CIP2A: variants seen among roughly 807,000 people sequenced by gnomAD.
The protein encoded by CIP2A is cellular inhibitor of PP2A.
Under a neutral mutation model 110.9 loss-of-function variants are expected in CIP2A, and 103 were observed. The ratio of observed to expected loss-of-function variants is 0.93; its 90% CI spans 0.79 to 1.09. The LOEUF (loss-of-function observed/expected upper bound fraction) is 1.09. Ranked by LOEUF, CIP2A falls within the 50% of genes least tolerant of loss-of-function variation. CIP2A has a pLI of 0.00. For synonymous variants in CIP2A, 381 were observed against 361.6 expected, an observed-to-expected ratio of 1.05 and a Z score of -0.61; for missense variants, 1,088 against 1,038.4, an observed-to-expected ratio of 1.05 and a Z score of -0.66.
Position 108,589,336 on chromosome 3 carries a change from C to T in CIP2A, c.40G>A (p.Val14Ile), listed in dbSNP as rs1414474010. The T allele has an allele frequency of 6.2e-7, 1 of 1,613,990 alleles. No individual in the cohort carries two copies. ...TACLKSLLLT[V>I]SQYKAVKSEA... ...GACTTCACGGCTTTGTACTGACTGA[C>T]AGTCAGGAGCAAGGACTTCAAGCAG... The change falls in exon 1 of 21, where the codon GTC becomes ATC. Residue 14 changes from valine (V) to isoleucine (I), a missense_variant. Physicochemically the swap from Val to Ile is conservative, Grantham distance 29. Transcript: ENST00000295746.
At chr3:108,588,689 CAT>C (rs1939179357) in intron 1 of CIP2A, among the ~76,000 whole-genome samples, 1 of 151,934 alleles carries the variant, frequency 6.6e-6, no homozygotes, top group African/African-American at 2.4e-5. Context: ...CGTCTGGACA[CAT>C]ATCACTAGAA....
rs558617788 is a variant in CIP2A at position 108,578,765 on chromosome 3, AATACACTGAG to A, written c.818+506_818+515del. 1.8e-3 allele frequency among the ~76,000 whole-genome samples: 281 copies of A among 152,322 alleles called. 1 individual carries two copies. Among genetic ancestry groups the A allele is most frequent in the African/African-American group, 6.5e-3 (271 of 41,584 alleles). ...TCTCAAAACATAAATGATCATATGAAATACACTGAGATAGAAAGGACATATGTTCCTATTT... is the reference window on the plus strand; with the variant it reads ...TCTCAAAACATAAATGATCATATGAAATAGAAAGGACATATGTTCCTATTT... On this transcript the variant is annotated intron_variant, in intron 7 of 20. Coordinates refer to ENST00000295746, the MANE Select transcript of CIP2A (RefSeq NM_020890.3).
At chr3:108,564,521 C>A (rs1437168123) in intron 12 of CIP2A, among the ~76,000 whole-genome samples, 3 of 151,936 alleles carry the variant, frequency 2.0e-5, no homozygotes, top group African/African-American at 7.2e-5. Context: ...CAGACCAGAT[C>A]AAACCAGAAA....
rs1443548493 is a variant in CIP2A at position 108,550,495 on chromosome 3, A to C, written c.*654T>G. The C allele has an allele frequency of 6.6e-6, 1 of 151,434 alleles. No individual in the cohort carries two copies. Among genetic ancestry groups the C allele is most frequent in the African/African-American group, 2.4e-5 (1 of 41,438 alleles). The allele number at this position is 151,434 out of a possible 1,614,324, so 9.4% of individuals were successfully genotyped here. A position where few individuals can be genotyped will look rare whatever the true frequency, so the allele number is the denominator to read the frequency against. On this transcript the variant is annotated 3_prime_UTR_variant, in exon 21 of 21. Coordinates refer to ENST00000295746, the MANE Select transcript of CIP2A (RefSeq NM_020890.3). ...TCTACAAGTTCTTAGATTTTTTATG[A>C]GACAGCTATTGTGTTAAATGTAATC...
intron 11 of CIP2A, 69 bp downstream of exon 11, chr3:108,566,428 G>A: frequency 8.2e-7 from 1 of 1,220,866 alleles, no homozygotes; most frequent in Non-Finnish European, 1.2e-6. Flanking sequence ...CCTCCAAAAG[G>A]ATGAGAATCA....
At position 108,568,318 on chromosome 3, in the gene CIP2A, G is replaced by A; in HGVS notation, c.1114-4C>T. On this transcript the variant is annotated splice_region_variant and splice_polypyrimidine_tract_variant and intron_variant, in intron 9 of 20. Transcript: ENST00000295746. The stretch of plus-strand genomic sequence containing the variant: ...AGTTAGCAGCATCTATGACATCCTG[G>A]AGAATTATCCATCACAAATGATTAA... 1 of 1,610,230 alleles carries A rather than the reference G, an allele frequency of 6.2e-7. No individual in the cohort carries two copies. The highest frequency in any genetic ancestry group is 8.5e-7 in the Non-Finnish European group (1 of 1,177,616).
chr3:108,557,427 A>G lies in CIP2A; in HGVS notation c.2014-13T>C, dbSNP rs1324660974. ...CAAGTGTCCGTGCCTCAAAAAAAAAAAGAAGATAGACTTTACCACTATCAT... is the reference window on the plus strand; with the variant it reads ...CAAGTGTCCGTGCCTCAAAAAAAAAGAGAAGATAGACTTTACCACTATCAT... On this transcript the variant is annotated splice_polypyrimidine_tract_variant and intron_variant, in intron 16 of 20. Transcript: ENST00000295746. 4 of 1,565,168 alleles carry G rather than the reference A, an allele frequency of 2.6e-6. No homozygotes were observed. The highest frequency in any genetic ancestry group is 1.4e-5 in the African/African-American group (1 of 72,660).
chr3:108,581,750 GTCAGCGTGGACCATGTGCTGTTTCA>G (rs1220936175), intron 4 of CIP2A, among the ~76,000 whole-genome samples: 1 of 152,084 alleles, frequency 6.6e-6, no homozygotes, highest in African/African-American at 2.4e-5. Context: ...GGAAGTAACT[GTCAGCGTGGACCATGTGCTGTTTCA>G]TCAGTATATT....
At chr3:108,587,506 T>C (rs1365762945) in intron 1 of CIP2A, among the ~76,000 whole-genome samples, 2 of 152,224 alleles carry the variant, frequency 1.3e-5, no homozygotes, top group Non-Finnish European at 2.9e-5. Context: ...TTCTGTATCA[T>C]GATACAGGTG....
At chr3:108,551,402 G>A (rs1330569300) in intron 20 of CIP2A, 83 bp from the exon 21 acceptor site, 2 of 985,504 alleles carry the variant, frequency 2.0e-6, no homozygotes, top group East Asian at 2.8e-5. Flanking sequence ...ATTTTAAGAT[G>A]CTTTTATTTT....
intron 2 of CIP2A, among the ~76,000 whole-genome samples, chr3:108,583,539 A>C: frequency 6.6e-6 from 1 of 152,182 alleles, no homozygotes; most frequent in East Asian, 1.9e-4. Flanking sequence ...GAGCTAAAAA[A>C]GTTGATCTCA....
rs1938191409 is a variant in CIP2A, at chr3:108,566,575, G to A, written c.1337C>T (p.Thr446Ile). The change falls in exon 11 of 21, where the codon ACC (threonine) becomes ATC (isoleucine). Residue 446 changes from threonine (T) to isoleucine (I), a missense_variant. Physicochemically the swap from Thr to Ile is moderately conservative, Grantham distance 89. Transcript: ENST00000295746. Reference sequence around the variant, plus strand: ...TGTAAATTGTTGTTCTATAAGAGTGGTACACTTGACAGTTGTCAAGATTTT... The same window carrying A: ...TGTAAATTGTTGTTCTATAAGAGTGATACACTTGACAGTTGTCAAGATTTT... ...IAKILTTVKC[T>I]TLIEQQFTYG... is the part of the protein sequence containing the mutation. 1 of 1,605,512 alleles carries A rather than the reference G, an allele frequency of 6.2e-7. No individual in the cohort carries two copies. Among genetic ancestry groups the A allele is most frequent in the Non-Finnish European group, 8.5e-7 (1 of 1,175,376 alleles).
rs777839767 is a variant in CIP2A at position 108,551,107 on chromosome 3, C to A, written c.*42G>T. ...CCCCCCCTCCAATAGATAAATACAT[C>A]AAAAATATCATGAGATTACAAATTC... is the stretch of plus-strand genomic sequence containing the variant. On this transcript the variant is annotated 3_prime_UTR_variant, in exon 21 of 21. Transcript: ENST00000295746. The A allele has an allele frequency of 4.2e-5, 19 of 456,596 alleles. No homozygotes were observed. Among genetic ancestry groups the A allele is most frequent in the Non-Finnish European group, 5.5e-5 (15 of 272,758 alleles). 28.3% of individuals were successfully genotyped at this position (456,596 alleles called of 1,614,324 possible). A position where few individuals can be genotyped will look rare whatever the true frequency, so the allele number is the denominator to read the frequency against.
intron 8 of CIP2A, among the ~76,000 whole-genome samples, chr3:108,570,855 A>G (rs1383443957): frequency 6.6e-6 from 1 of 152,182 alleles, no homozygotes; most frequent in Non-Finnish European, 1.5e-5. Context: ...TTTTAACTTT[A>G]TAAACCTATC....
intron 10 of CIP2A, among the ~76,000 whole-genome samples, 158 bp downstream of exon 10, chr3:108,567,997 G>C (rs1938243583): frequency 6.6e-6 from 1 of 151,836 alleles, no homozygotes; most frequent in South Asian, 2.1e-4. Context: ...CACTCATTGA[G>C]AATTTTTTCT....
Position 108,582,187 on chromosome 3 carries a change from G to A in CIP2A, c.373C>T (p.Gln125Ter), listed in dbSNP as rs752057918. ...SVFLQCIQLL[Q>*]KLTYNVKIFY... ...ATTTTGACATTATATGTTAACTTCT[G>A]TAGAAGTTGAATGCACTGAGAATAA... Residue 125 changes from glutamine to a stop codon, truncating the protein, a stop_gained, in exon 4 of 21, where the codon CAG becomes TAG. Coordinates refer to ENST00000295746, the MANE Select transcript of CIP2A (RefSeq NM_020890.3). LOFTEE classifies it high-confidence loss of function. 1.4e-6 allele frequency: 2 copies of A among 1,397,102 alleles called. No homozygotes were observed. The highest frequency in any genetic ancestry group is 1.4e-5 in the African/African-American group (1 of 69,308). The allele number at this position is 1,397,102 out of a possible 1,614,324, so 86.5% of individuals were successfully genotyped here. A position where few individuals can be genotyped will look rare whatever the true frequency, so the allele number is the denominator to read the frequency against.
intron 12 of CIP2A, 74 bp from the exon 13 acceptor site, chr3:108,563,318 G>A (rs1383886909): frequency 1.5e-5 from 12 of 800,350 alleles, no homozygotes; most frequent in Non-Finnish European, 2.4e-5. Context: ...TAGGAGGTGA[G>A]TAAATATATG....
chr3:108,552,681 G>A (rs887586078), intron 19 of CIP2A, among the ~76,000 whole-genome samples: 1 of 152,088 alleles, frequency 6.6e-6, no homozygotes, highest in Non-Finnish European at 1.5e-5. Context: ...GAACAAAAAT[G>A]TTTTTCAGGA....
At chr3:108,575,483 T>C (rs182820616) in intron 8 of CIP2A, among the ~76,000 whole-genome samples, 2 of 149,348 alleles carry the variant, frequency 1.3e-5, no homozygotes, top group African/African-American at 2.5e-5. Flanking sequence ...TATACACATA[T>C]ATGCACACAT....
Sources: gnomAD v4.1 joint callset for allele counts (sites outside exome capture counted in the v4.1 genomes callset) on GRCh38, gnomAD v4.1.1 for gene constraint, MANE v1.5 for transcripts, NCBI Gene and HGNC (gene_info 2026-07-23, HGNC 2026-07-21) for gene names.